Variants in TRPV1 observed in about 807,000 individuals in gnomAD.
TRPV1 encodes the protein transient receptor potential cation channel subfamily V member 1.
A neutral mutation model predicts 82.3 loss-of-function variants in TRPV1; 82 were observed. The observed-to-expected ratio is 1.00, with a 90% CI of 0.83 to 1.20. The LOEUF is 1.20. Ranked by LOEUF, TRPV1 falls within the 50% of genes most tolerant of loss-of-function variation. The probability of loss-of-function intolerance (pLI) is 0.00; values close to 1 mark genes in which losing one functional copy is unlikely to be tolerated. For missense variants in TRPV1, 1,067 were observed against 1,096.8 expected (o/e 0.97, Z 0.38); for synonymous variants, 515 against 467.7 (o/e 1.10, Z -1.30).
chr17:3,588,125 C>A, intron 8 of TRPV1, 63 bp downstream of exon 8: 1 of 1,513,312 alleles, frequency 6.6e-7, no homozygotes. Context: ...GGACCAGGGG[C>A]TGGGATTGGG....
intron 11 of TRPV1, among the ~76,000 whole-genome samples, chr17:3,579,831 GTTCTCA>G (rs1040754897): frequency 6.6e-6 from 1 of 152,176 alleles, no homozygotes; most frequent in Non-Finnish European, 1.5e-5. Context: ...TAAAGCGGTG[GTTCTCA>G]ACCGGGAGTG....
intron 2 of TRPV1, among the ~76,000 whole-genome samples, chr17:3,602,512 A>C (rs1477152429): frequency 6.6e-6 from 1 of 152,184 alleles, no homozygotes; most frequent in East Asian, 1.9e-4. Context: ...TTATGTAATG[A>C]TGTACCCATT....
rs537481767 is a variant in TRPV1 at position 3,601,131 on chromosome 17, C to T, written c.-34+7296G>A. Among the ~76,000 whole-genome samples, 9 of 152,042 alleles carry T rather than the reference C, an allele frequency of 5.9e-5. No homozygotes were observed. In the East Asian group the frequency reaches 1.7e-3, roughly 29 times the overall value. On this transcript the variant is annotated intron_variant, in intron 2 of 16. Transcript: ENST00000572705. ...AAAGGCATCAACTTCCTTCTGGCCACCAAACCCGGTGCCCTTTGTGACCTC... is the reference window on the plus strand; with the variant it reads ...AAAGGCATCAACTTCCTTCTGGCCATCAAACCCGGTGCCCTTTGTGACCTC...
chr17:3,586,553 C>T (rs1361756061), intron 8 of TRPV1, among the ~76,000 whole-genome samples: 1 of 152,248 alleles, frequency 6.6e-6, no homozygotes, highest in African/African-American at 2.4e-5. Context: ...AGGTGGATCA[C>T]TTGAAGTCTG....
chr17:3,607,865 T>C (rs1307229534), intron 2 of TRPV1, among the ~76,000 whole-genome samples: 2 of 152,144 alleles, frequency 1.3e-5, no homozygotes, highest in East Asian at 3.9e-4. Context: ...CAATACACTC[T>C]AATAAAAGTT....
At chr17:3,607,797 A>C (rs959682951) in intron 2 of TRPV1, among the ~76,000 whole-genome samples, 4 of 151,744 alleles carry the variant, frequency 2.6e-5, no homozygotes, top group African/African-American at 9.7e-5. Context: ...TCGGCCTCCC[A>C]AAGTGCTGGG....
chr17:3,584,422 T>TAA lies in TRPV1; in HGVS notation c.1384-994_1384-993dup, dbSNP rs1567666443. 6.1e-3 allele frequency among the ~76,000 whole-genome samples: 260 copies of TAA among 42,886 alleles called. 13 individuals are homozygous for TAA. Among genetic ancestry groups the TAA allele is most frequent in the African/African-American group, 0.026 (251 of 9,678 alleles). The allele number at this position is 42,886 out of a possible 152,430, so 28.1% of individuals were successfully genotyped here. ...TGTCTCAAAAAAAAAAAAAATAAAA[T>TAA]AAAAAAAAAAGGAAGTCATTATGTG... On this transcript the variant is annotated intron_variant, in intron 9 of 16. Coordinates refer to ENST00000572705, the MANE Select transcript of TRPV1 (RefSeq NM_080704.4).
At chr17:3,575,426 T>C (rs1345366524) in intron 13 of TRPV1, among the ~76,000 whole-genome samples, 1 of 150,974 alleles carries the variant, frequency 6.6e-6, no homozygotes, top group Non-Finnish European at 1.5e-5. Flanking sequence ...GAGGTTGCAG[T>C]GAGCAGAGAT....
intron 2 of TRPV1, among the ~76,000 whole-genome samples, chr17:3,595,101 G>A (rs768924562): frequency 1.3e-5 from 2 of 152,082 alleles, no homozygotes; most frequent in Admixed American, 6.5e-5. Flanking sequence ...TTCACAGTGC[G>A]GACAGCCCTG....
At position 3,592,358 on chromosome 17, in the gene TRPV1, G is replaced by A; in HGVS notation, c.-8C>T. 1.3e-6 allele frequency: 2 copies of A among 1,583,514 alleles called. No individual in the cohort carries two copies. Among genetic ancestry groups the A allele is most frequent in the South Asian group, 1.1e-5 (1 of 87,668 alleles). On this transcript the variant is annotated 5_prime_UTR_variant, in exon 3 of 17. The change creates a premature stop within an existing upstream ORF in the 5' untranslated region. Transcript: ENST00000572705. ...GCTGCTCCATTTCTTCATCCTTGCT[G>A]GATCCTCTGTGGCCCAGTGTGCAAC...
chr17:3,596,033 C>T (rs561882824), intron 2 of TRPV1, among the ~76,000 whole-genome samples: 3 of 152,280 alleles, frequency 2.0e-5, no homozygotes, highest in African/African-American at 4.8e-5. Context: ...GAACTTCTAC[C>T]GTGATTTAGG....
In TRPV1 at chr17:3,588,321, C is replaced by T; in HGVS notation, c.1091G>A (p.Arg364Lys). The T allele has an allele frequency of 1.3e-6, 2 of 1,567,876 alleles. No homozygotes were observed. The highest frequency in any genetic ancestry group is 1.7e-6 in the Non-Finnish European group (2 of 1,156,760). ...LQREIQEPECRHLSRKFTEWA... is the reference protein window; with the variant it reads ...LQREIQEPECKHLSRKFTEWA... ...CTCGGTGAACTTCCTGGACAGGTGC[C>T]TGCACTCGGGCTCCTGGATCTCCCG... is the stretch of plus-strand genomic sequence containing the variant. The change falls in exon 8 of 17, where the codon AGG (arginine) becomes AAG (lysine). Residue 364 changes from arginine to lysine, a missense_variant. Coordinates refer to ENST00000572705, the MANE Select transcript of TRPV1 (RefSeq NM_080704.4).
chr17:3,566,782 C>T lies in TRPV1; in HGVS notation c.*33G>A, dbSNP rs780643903. On this transcript the variant is annotated 3_prime_UTR_variant, in exon 17 of 17. Coordinates refer to ENST00000572705, the MANE Select transcript of TRPV1 (RefSeq NM_080704.4). ...CCCGTGGCAACGGGGTCTCCTAAGG[C>T]CCAGTGTTGACAGTGCTGTCTGCGT... 6.2e-7 allele frequency: 1 copy of T among 1,607,402 alleles called. No individual in the cohort carries two copies. Among genetic ancestry groups the T allele is most frequent in the East Asian group, 2.2e-5 (1 of 44,816 alleles).
chr17:3,583,189 G>A, intron 10 of TRPV1, 149 bp downstream of exon 10: 1 of 711,752 alleles, frequency 1.4e-6, no homozygotes, highest in South Asian at 2.0e-5. Context: ...CTGACTGAAG[G>A]GCTCTCATCT....
intron 5 of TRPV1, 31 bp from the exon 6 acceptor site, chr17:3,590,423 G>C (rs201009837): frequency 1.9e-6 from 3 of 1,607,590 alleles, no homozygotes; most frequent in Non-Finnish European, 2.6e-6. Flanking sequence ...TGGCTTCGTG[G>C]TCACGGTCCT....
intron 15 of TRPV1, 75 bp from the exon 16 acceptor site, chr17:3,571,714 A>C: frequency 1.6e-6 from 2 of 1,235,346 alleles, no homozygotes; most frequent in Non-Finnish European, 2.3e-6. Flanking sequence ...CCACAGGCCA[A>C]GCCCAAGAAA....
In TRPV1 at chr17:3,590,239, A is replaced by G. The variant is rs161387; in HGVS notation, c.745+13T>C. ...AGCCAAAAAGATCAGGGTCTGCCAC[A>G]CTGTCTCCCTACCGAAGTAGAATCC... is the stretch of plus-strand genomic sequence containing the variant. On this transcript the variant is annotated intron_variant, in intron 6 of 16. Transcript: ENST00000572705. The G allele has an allele frequency of 1, 1,611,681 of 1,613,292 alleles. 805,046 individuals carry two copies. The highest frequency in any genetic ancestry group is 1 in the South Asian group (91,062 of 91,068).
intron 14 of TRPV1, 94 bp downstream of exon 14, chr17:3,573,539 C>T: frequency 7.3e-6 from 1 of 137,296 alleles, no homozygotes; most frequent in South Asian, 3.0e-4. Context: ...ACCGCCCCCA[C>T]CACCCACCCA....
At chr17:3,602,623 C>T (rs1464606803) in intron 2 of TRPV1, among the ~76,000 whole-genome samples, 2 of 152,196 alleles carry the variant, frequency 1.3e-5, no homozygotes, top group African/African-American at 4.8e-5. Context: ...AGGAAAGCGT[C>T]TGCGGACGCG....
Sources: allele counts gnomAD v4.1 joint callset (sites outside exome capture counted in the v4.1 genomes callset), GRCh38; gene constraint gnomAD v4.1.1; transcripts MANE v1.5; gene names NCBI Gene and HGNC (gene_info 2026-07-23, HGNC 2026-07-21).